The following ASCC3 variants were observed in gnomAD, a reference collection of about 807,000 sequenced individuals.
The protein encoded by ASCC3 is ASC-1 complex subunit P200.
ASCC3 carries 158 observed loss-of-function variants against 256.3 expected under a neutral mutation model. The observed-to-expected ratio is 0.62, with a 90% CI of 0.54 to 0.70. The LOEUF is 0.70. ASCC3 is among the 30% of genes least tolerant of loss of function. ASCC3 has a pLI of 0.00. For missense variants in ASCC3, 2,259 were observed against 2,626.0 expected, an observed-to-expected ratio of 0.86 and a Z score of 3.05; for synonymous variants, 948 against 883.4, an observed-to-expected ratio of 1.07 and a Z score of -1.30.
chr6:100,662,461 G>A lies in ASCC3; in HGVS notation c.2362C>T (p.Arg788Trp), dbSNP rs770792318. 12 of 1,613,116 alleles carry A rather than the reference G, an allele frequency of 7.4e-6. No individual in the cohort carries two copies. Among genetic ancestry groups the A allele is most frequent in the East Asian group, 2.2e-5 (1 of 44,856 alleles). ...GFSIHHAGML[R>W]QDRNLVENLF... ...TTTTCAACTAAATTTCTGTCCTGCC[G>A]AAGCATTCCTGCATGATGAATACTA... Residue 788 changes from arginine to tryptophan, a missense_variant, in exon 15 of 42, where the codon CGG becomes TGG. Physicochemically the swap from Arg to Trp is moderately radical, Grantham distance 101. Transcript: ENST00000369162.
intron 37 of ASCC3, among the ~76,000 whole-genome samples, chr6:100,522,595 A>ATAGGGGGAG (rs1774365690): frequency 6.6e-6 from 1 of 151,882 alleles, no homozygotes; most frequent in Non-Finnish European, 1.5e-5. Context: ...TGGAGCAGAG[A>ATAGGGGGAG]CAGGGGAAGC....
At chr6:100,635,970 A>C (rs1678104109) in intron 25 of ASCC3, among the ~76,000 whole-genome samples, 1 of 152,154 alleles carries the variant, frequency 6.6e-6, no homozygotes, top group Non-Finnish European at 1.5e-5. Flanking sequence ...TCTCACAGTG[A>C]AATTATCTAT....
chr6:100,777,878 TAGA>T (rs764540930), intron 8 of ASCC3, among the ~76,000 whole-genome samples: 6 of 152,130 alleles, frequency 3.9e-5, no homozygotes, highest in Non-Finnish European at 8.8e-5. Context: ...GGATTTTAAG[TAGA>T]AGAATAATAT....
intron 11 of ASCC3, among the ~76,000 whole-genome samples, chr6:100,721,125 T>C (rs1200171047): frequency 6.6e-6 from 1 of 151,610 alleles, no homozygotes; most frequent in Non-Finnish European, 1.5e-5. Flanking sequence ...GCACTAAGAC[T>C]ACAATCTGTT....
At chr6:100,753,129 T>C (rs544938613) in intron 10 of ASCC3, among the ~76,000 whole-genome samples, 1 of 152,072 alleles carries the variant, frequency 6.6e-6, no homozygotes, top group African/African-American at 2.4e-5. Flanking sequence ...TCATAGCTTA[T>C]TGAAATTTCG....
chr6:100,565,601 T>G (rs1353658181), intron 36 of ASCC3, among the ~76,000 whole-genome samples: 1 of 152,172 alleles, frequency 6.6e-6, no homozygotes, highest in Non-Finnish European at 1.5e-5. Flanking sequence ...AAGGTTCATT[T>G]TTTTACAGAC....
intron 3 of ASCC3, chr6:100,858,532 A>T: frequency 2.1e-6 from 2 of 935,350 alleles, no homozygotes; most frequent in Non-Finnish European, 2.5e-6. Flanking sequence ...GTAATGTTAG[A>T]TATTCATAAA....
chr6:100,848,073 C>T lies in ASCC3; in HGVS notation c.801+75G>A, dbSNP rs900804099. 7 of 1,390,442 alleles carry T rather than the reference C, an allele frequency of 5.0e-6. No homozygotes were observed. In the African/African-American group the frequency reaches 8.8e-5, roughly 17 times the overall value. The allele number at this position is 1,390,442 out of a possible 1,614,324, so 86.1% of individuals were successfully genotyped here. Reference sequence around the variant, plus strand: ...ACATTAAAGAACTTTCTTTGCTAACCACCCATGTTTAAAAAACACTATTTC... The same window carrying T: ...ACATTAAAGAACTTTCTTTGCTAACTACCCATGTTTAAAAAACACTATTTC... On this transcript the variant is annotated intron_variant, in intron 4 of 41. Coordinates refer to ENST00000369162, the MANE Select transcript of ASCC3 (RefSeq NM_006828.4).
At chr6:100,527,490 T>C (rs1774636270) in intron 37 of ASCC3, among the ~76,000 whole-genome samples, 1 of 152,178 alleles carries the variant, frequency 6.6e-6, no homozygotes, top group Non-Finnish European at 1.5e-5. Context: ...CTGCTAAATG[T>C]ATTTAAACTC....
chr6:100,541,861 T>A (rs952471793), intron 36 of ASCC3, among the ~76,000 whole-genome samples: 4 of 152,182 alleles, frequency 2.6e-5, no homozygotes, highest in African/African-American at 9.6e-5. Context: ...AAAAAGTTAC[T>A]GACAACTACT....
At chr6:100,711,129 T>G (rs920419533) in intron 13 of ASCC3, among the ~76,000 whole-genome samples, 1 of 152,232 alleles carries the variant, frequency 6.6e-6, no homozygotes, top group South Asian at 2.1e-4. Context: ...AGCAATCCTA[T>G]GTTCCATACT....
chr6:100,692,857 T>C (rs1777901939), intron 13 of ASCC3, among the ~76,000 whole-genome samples: 1 of 152,054 alleles, frequency 6.6e-6, no homozygotes, highest in Non-Finnish European at 1.5e-5. Context: ...GAAGATTTAA[T>C]GACAAGATCA....
chr6:100,717,812 G>A (rs754519991), intron 12 of ASCC3, among the ~76,000 whole-genome samples: 7 of 151,846 alleles, frequency 4.6e-5, no homozygotes, highest in East Asian at 3.9e-4. Flanking sequence ...CTGAAAATAC[G>A]TAACATACAT....
intron 13 of ASCC3, among the ~76,000 whole-genome samples, chr6:100,711,361 A>C (rs1394587575): frequency 1.3e-5 from 2 of 152,196 alleles, no homozygotes; most frequent in East Asian, 3.8e-4. Flanking sequence ...TATGTGTCCC[A>C]CAGTAAAGTA....
At position 100,754,919 on chromosome 6, in the gene ASCC3, G is replaced by A. The variant is rs1287835349; in HGVS notation, c.1737+11646C>T. 2.0e-5 allele frequency among the ~76,000 whole-genome samples: 3 copies of A among 152,160 alleles called. No homozygotes were observed. The East Asian group carries it at 5.8e-4, about 29-fold the overall frequency. ...CATGCACTCTCTTGCCTGCTGCCATGTAAGACATGTCTTTGCTCCTCCTTC... is the reference window on the plus strand; with the variant it reads ...CATGCACTCTCTTGCCTGCTGCCATATAAGACATGTCTTTGCTCCTCCTTC... On this transcript the variant is annotated intron_variant, in intron 10 of 41. Coordinates refer to ENST00000369162, the MANE Select transcript of ASCC3 (RefSeq NM_006828.4).
intron 15 of ASCC3, 82 bp from the exon 16 acceptor site, chr6:100,662,112 AT>A: frequency 7.4e-7 from 1 of 1,354,752 alleles, no homozygotes; most frequent in Non-Finnish European, 1.0e-6. Context: ...AATTAGGCAA[AT>A]ATGGCAAGAT....
chr6:100,642,040 C>T (rs1299861257), intron 24 of ASCC3, among the ~76,000 whole-genome samples: 1 of 151,332 alleles, frequency 6.6e-6, no homozygotes, highest in East Asian at 1.9e-4. Flanking sequence ...GGAGGGATAG[C>T]ATTAGGTGAT....
rs370834895 is a variant in ASCC3, at chr6:100,540,550, TTAA to T, written c.5551-166_5551-164del. Among the ~76,000 whole-genome samples the T allele has an allele frequency of 1.5e-3, 229 of 152,318 alleles. 3 individuals are homozygous for T. Among genetic ancestry groups the T allele is most frequent in the African/African-American group, 5.3e-3 (220 of 41,562 alleles). On this transcript the variant is annotated intron_variant, in intron 36 of 41. Coordinates refer to ENST00000369162, the MANE Select transcript of ASCC3 (RefSeq NM_006828.4). ...TTATCATTAATACACAAGCAATGTA[TTAA>T]TGATAGTGAATAACGTACAATCTGT...
intron 37 of ASCC3, among the ~76,000 whole-genome samples, chr6:100,538,985 C>A (rs1582411728): frequency 6.6e-6 from 1 of 152,128 alleles, no homozygotes; most frequent in African/African-American, 2.4e-5. Context: ...CAATCATCCC[C>A]CAGTAATGTC....
Sources: gnomAD v4.1 joint callset for allele counts (sites outside exome capture counted in the v4.1 genomes callset) on GRCh38, gnomAD v4.1.1 for gene constraint, MANE v1.5 for transcripts, NCBI Gene and HGNC (gene_info 2026-07-23, HGNC 2026-07-21) for gene names.